The following MIDN variants were observed in gnomAD, a reference collection of about 807,000 sequenced individuals.
MIDN encodes the protein midnolin, also known as midbrain nucleolar protein.
A neutral mutation model predicts 46.1 loss-of-function variants in MIDN; 26 were observed. The observed-to-expected ratio is 0.56, with a 90% CI of 0.41 to 0.78. The LOEUF is 0.78. MIDN is among the 30% of genes least tolerant of loss of function. The pLI, the probability that MIDN is intolerant of heterozygous loss-of-function variation, is 0.00. For missense variants in MIDN, 850 were observed against 771.8 expected (o/e 1.10, Z -1.20); for synonymous variants, 432 against 343.3 (o/e 1.26, Z -2.86).
Position 1,251,065 on chromosome 19 carries a change from C to T in MIDN, c.234-497C>T, listed in dbSNP as rs930838573. ...GTGGAGGGGCCCATCGGGGGAGGGGCGGAGGGGGAGGGTCTCCTTTGTCTG... is the reference window on the plus strand; with the variant it reads ...GTGGAGGGGCCCATCGGGGGAGGGGTGGAGGGGGAGGGTCTCCTTTGTCTG... On this transcript the variant is annotated intron_variant, in intron 2 of 8. Transcript: ENST00000682408. Among the ~76,000 whole-genome samples the T allele has an allele frequency of 5.3e-5, 8 of 151,428 alleles. 1 individual carries two copies. In the South Asian group the frequency reaches 1.2e-3, roughly 24 times the overall value.
At position 1,255,036 on chromosome 19, in the gene MIDN, G is replaced by T; in HGVS notation, c.960G>T (p.Pro320=). ...TCGAGAGCTTTGTGAATCACGCCCC[G>T]GGGGTCTTCTCAGGGACCTTCTCTG... ...AVIESFVNHA[P]GVFSGTFSGT... Residue 320 remains proline, a synonymous_variant, in exon 7 of 9, where the codon CCG becomes CCT. Coordinates refer to ENST00000682408, the MANE Select transcript of MIDN (RefSeq NM_001388306.1). 1.2e-6 allele frequency: 2 copies of T among 1,612,962 alleles called. No individual in the cohort carries two copies. Among genetic ancestry groups the T allele is most frequent in the African/African-American group, 1.3e-5 (1 of 74,976 alleles).
At chr19:1,251,240 G>A in intron 2 of MIDN, 1 of 337,394 alleles carries the variant, frequency 3.0e-6, no homozygotes, top group Non-Finnish European at 5.5e-6. Flanking sequence ...GGGCTGCCCT[G>A]GGGTCGTGGG....
chr19:1,252,360 G>A lies in MIDN; in HGVS notation c.384+459G>A, dbSNP rs758570080. Among the ~76,000 whole-genome samples the A allele has an allele frequency of 1.4e-4, 22 of 152,248 alleles. No homozygotes were observed. The East Asian group carries it at 1.7e-3, about 12-fold the overall frequency. ...CCTTCCGTGACCCCCATCGTGAGAG[G>A]GTGGGGATCTCGTCACCCTCCCCTC... On this transcript the variant is annotated intron_variant, in intron 4 of 8. Transcript: ENST00000682408.
chr19:1,255,669 C>T lies in MIDN; in HGVS notation c.1233C>T (p.Ser411=), dbSNP rs759832419. The T allele has an allele frequency of 5.6e-6, 9 of 1,595,702 alleles. No individual in the cohort carries two copies. The highest frequency in any genetic ancestry group is 6.8e-6 in the Non-Finnish European group (8 of 1,174,928). The stretch of plus-strand genomic sequence containing the variant: ...CAGCCTCCCTGCTGCAGGGCCAGAG[C>T]CAGATCCGCATGTGCAAGCCCCCGG... ...APSASLLQGQ[S]QIRMCKPPGD... The change falls in exon 8 of 9, where the codon AGC becomes AGT. Residue 411 remains serine, a synonymous_variant. Coordinates refer to ENST00000682408, the MANE Select transcript of MIDN (RefSeq NM_001388306.1).
At chr19:1,251,938 C>T in intron 4 of MIDN, 37 bp downstream of exon 4, 11 of 1,588,620 alleles carry the variant, frequency 6.9e-6, no homozygotes, top group Non-Finnish European at 9.5e-6. Flanking sequence ...CAGGGCAGCC[C>T]TGGGAGCAGG....
In MIDN at chr19:1,251,556, C is replaced by T. The variant is rs1303333303; in HGVS notation, c.234-6C>T. 1 of 1,607,366 alleles carries T rather than the reference C, an allele frequency of 6.2e-7. No individual in the cohort carries two copies. The highest frequency in any genetic ancestry group is 8.5e-7 in the Non-Finnish European group (1 of 1,177,860). On this transcript the variant is annotated splice_polypyrimidine_tract_variant and splice_region_variant and intron_variant, in intron 2 of 8. Transcript: ENST00000682408. ...GGAGTCTCATGCTCTTCCTTCCTCC[C>T]CCCAGCCGGCTCAGTTCGGGGAAGC...
rs2081237310 is a variant in MIDN, at chr19:1,259,141, A to C, written c.*1869A>C. ...TCAAGTAATAAACAGAAAATGAAAC[A>C]CACATTGACTCCCGCCTGCTCGCCT... On this transcript the variant is annotated 3_prime_UTR_variant, in exon 9 of 9. Coordinates refer to ENST00000682408, the MANE Select transcript of MIDN (RefSeq NM_001388306.1). 6.6e-6 allele frequency: 1 copy of C among 151,714 alleles called. No homozygotes were observed. Among genetic ancestry groups the C allele is most frequent in the Admixed American group, 6.6e-5 (1 of 15,234 alleles). The allele number at this position is 151,714 out of a possible 1,614,324, so 9.4% of individuals were successfully genotyped here.
At position 1,251,701 on chromosome 19, in the gene MIDN, A is replaced by T; in HGVS notation, c.321+52A>T. The T allele has an allele frequency of 1.9e-6, 3 of 1,560,534 alleles. No individual in the cohort carries two copies. The South Asian group carries it at 3.4e-5, about 18-fold the overall frequency. On this transcript the variant is annotated intron_variant, in intron 3 of 8. Transcript: ENST00000682408. The stretch of plus-strand genomic sequence containing the variant: ...CCAGAGGCCCCCGCACACAGGCAGT[A>T]GCCCCTCCCTCGGTACCTGTCCGCA...
chr19:1,256,635 A>T (rs1016525994), intron 8 of MIDN, among the ~76,000 whole-genome samples: 47 of 152,098 alleles, frequency 3.1e-4, no homozygotes, highest in African/African-American at 1.1e-3. Context: ...ATTAGAAGCC[A>T]GCTGCGTAGC....
At position 1,257,202 on chromosome 19, in the gene MIDN, T is replaced by G. The variant is rs201428769; in HGVS notation, c.1466T>G (p.Leu489Arg). Residue 489 changes from leucine (L) to arginine (R), a missense_variant, in exon 9 of 9, where the codon CTC (leucine) becomes CGC (arginine). Physicochemically the swap from Leu to Arg is moderately radical, Grantham distance 102 (BLOSUM62 -2). Coordinates refer to ENST00000682408, the MANE Select transcript of MIDN (RefSeq NM_001388306.1). ...CCCAGCGAGGCCTCCGGCTTGGGCC[T>G]CGACTTCGAGGACTCCGTGTGGAAG... ...GSPSEASGLGLDFEDSVWKPE... is the reference protein window; with the variant it reads ...GSPSEASGLGRDFEDSVWKPE... 3.1e-6 allele frequency: 5 copies of G among 1,612,128 alleles called. No individual in the cohort carries two copies. The highest frequency in any genetic ancestry group is 3.3e-5 in the Admixed American group (2 of 60,008).
rs1568791486 is a variant in MIDN, at chr19:1,254,996, A to C, written c.920A>C (p.Lys307Thr). ...GCCAGCCCTGCCCCCCGCTCCCGAA[A>C]ACCCGGCGCCGTCATCGAGAGCTTT... Reference protein sequence around the residue: ...PGASPAPRSRKPGAVIESFVN... With the variant: ...PGASPAPRSRTPGAVIESFVN... Residue 307 changes from lysine to threonine, a missense_variant, in exon 7 of 9, where the codon AAA (lysine) becomes ACA (threonine). Lys to Thr is a moderately conservative substitution (Grantham distance 78, BLOSUM62 -1). Transcript: ENST00000682408. 3.7e-6 allele frequency: 6 copies of C among 1,613,026 alleles called. No individual in the cohort carries two copies. The highest frequency in any genetic ancestry group is 5.1e-6 in the Non-Finnish European group (6 of 1,179,816).
At chr19:1,255,128 C>T (rs1463462156) in intron 7 of MIDN, 67 bp downstream of exon 7, 9 of 1,537,646 alleles carry the variant, frequency 5.9e-6, no homozygotes, top group Admixed American at 5.3e-5. Context: ...GGGTCTACAT[C>T]CACCCACAGG....
intron 1 of MIDN, among the ~76,000 whole-genome samples, chr19:1,249,468 C>T (rs1486662447): frequency 1.3e-5 from 2 of 149,860 alleles, no homozygotes; most frequent in Non-Finnish European, 3.0e-5. Flanking sequence ...ATGGCCCGCG[C>T]CCCCTCCCGC....
Position 1,253,998 on chromosome 19 carries a change from C to T in MIDN, c.429C>T (p.Phe143=), listed in dbSNP as rs1018299302. The T allele has an allele frequency of 7.1e-7, 1 of 1,400,970 alleles. No homozygotes were observed. The highest frequency in any genetic ancestry group is 1.5e-5 in the South Asian group (1 of 64,730). The allele number at this position is 1,400,970 out of a possible 1,614,324, so 86.8% of individuals were successfully genotyped here. A position where few individuals can be genotyped will look rare whatever the true frequency, so the allele number is the denominator to read the frequency against. ...CGGGCCGGGCTGGCGGAGGAGGCTT[C>T]CGGAAATACAGATTCATTTTATTTA... ...PGPGRAGGGG[F]RKYRFILFKR... The change falls in exon 5 of 9, where the codon TTC becomes TTT. Residue 143 remains phenylalanine, a synonymous_variant. Transcript: ENST00000682408.
chr19:1,250,883 G>A (rs1265938984), intron 2 of MIDN, among the ~76,000 whole-genome samples: 1 of 152,054 alleles, frequency 6.6e-6, no homozygotes, highest in African/African-American at 2.4e-5. Flanking sequence ...GGCCTCCTCT[G>A]CGTCTGGCTG....
At position 1,255,573 on chromosome 19, in the gene MIDN, C is replaced by T. The variant is rs375031474; in HGVS notation, c.1137C>T (p.Cys379=). 6 of 1,611,494 alleles carry T rather than the reference C, an allele frequency of 3.7e-6. No individual in the cohort carries two copies. In the African/African-American group the frequency reaches 6.7e-5, roughly 18 times the overall value. ...CCCAGCTCCGCTGCCACGCCCAGTG[C>T]TCCCCGGCCTCACCGGCCCCCGACC... ...SLAQLRCHAQ[C]SPASPAPDLA... Residue 379 remains cysteine, a synonymous_variant, in exon 8 of 9, where the codon TGC becomes TGT. Transcript: ENST00000682408.
At chr19:1,255,998 C>T (rs1259461227) in intron 8 of MIDN, among the ~76,000 whole-genome samples, 10 of 152,216 alleles carry the variant, frequency 6.6e-5, no homozygotes, top group Admixed American at 1.3e-4. Flanking sequence ...CCTGGCAGGC[C>T]GAGGCGGGGC....
chr19:1,257,535 CTCCG>C lies in MIDN; in HGVS notation c.*266_*269del, dbSNP rs2081215608. The C allele has an allele frequency of 6.8e-6, 3 of 443,800 alleles. No individual in the cohort carries two copies. Among genetic ancestry groups the C allele is most frequent in the African/African-American group, 2.1e-5 (1 of 47,110 alleles). 27.5% of individuals were successfully genotyped at this position (443,800 alleles called of 1,614,324 possible). On this transcript the variant is annotated 3_prime_UTR_variant, in exon 9 of 9. Transcript: ENST00000682408. ...CCTCCTCTTCCTCCTCCTCCTCCTC[CTCCG>C]TCTGTCTCCTTTCACCTCTGCGCCA... is the stretch of plus-strand genomic sequence containing the variant.
At chr19:1,250,868 T>C (rs935229551) in intron 2 of MIDN, among the ~76,000 whole-genome samples, 1 of 151,896 alleles carries the variant, frequency 6.6e-6, no homozygotes, top group African/African-American at 2.4e-5. Flanking sequence ...CCGCATCTGC[T>C]CGGCGGCCTC....
Sources: gnomAD v4.1 joint callset for allele counts (sites outside exome capture counted in the v4.1 genomes callset) on GRCh38, gnomAD v4.1.1 for gene constraint, MANE v1.5 for transcripts, NCBI Gene and HGNC (gene_info 2026-07-23, HGNC 2026-07-21) for gene names.